The following WDR72 variants were observed in gnomAD, a reference collection of about 807,000 sequenced individuals.
WDR72 encodes WD repeat-containing protein 72.
WDR72 carries 120 observed loss-of-function variants against 124.2 expected under a neutral mutation model. The ratio of observed to expected loss-of-function variants is 0.97; its 90% CI spans 0.83 to 1.12. The LOEUF (loss-of-function observed/expected upper bound fraction) is 1.12, where lower values mean the gene tolerates loss of function less well. Among genes scored for constraint, WDR72 ranks in the 50% most tolerant of loss-of-function variants. The probability of loss-of-function intolerance (pLI) is 0.00; values close to 1 mark genes in which losing one functional copy is unlikely to be tolerated. For missense variants in WDR72, 1,387 were observed against 1,278.8 expected, an observed-to-expected ratio of 1.08 and a Z score of -1.29; for synonymous variants, 452 against 441.7, an observed-to-expected ratio of 1.02 and a Z score of -0.29.
At chr15:53,551,110 G>A (rs189691111) in intron 18 of WDR72, among the ~76,000 whole-genome samples, 6 of 152,148 alleles carry the variant, frequency 3.9e-5, no homozygotes, top group Non-Finnish European at 8.8e-5. Flanking sequence ...AAAGATTACA[G>A]GTTAAATGGG....
intron 18 of WDR72, among the ~76,000 whole-genome samples, chr15:53,562,191 C>T (rs2140295116): frequency 6.6e-6 from 1 of 151,872 alleles, no homozygotes; most frequent in African/African-American, 2.4e-5. Flanking sequence ...AGTAGTAGAA[C>T]ATCCAGAACT....
intron 19 of WDR72, among the ~76,000 whole-genome samples, chr15:53,521,667 T>G (rs1163332835): frequency 6.6e-6 from 1 of 152,070 alleles, no homozygotes; most frequent in Non-Finnish European, 1.5e-5. Context: ...TATTAAGGGA[T>G]GATGGAAATT....
chr15:53,731,791 A>G (rs1488375204), intron 2 of WDR72, among the ~76,000 whole-genome samples: 1 of 152,130 alleles, frequency 6.6e-6, no homozygotes, highest in Non-Finnish European at 1.5e-5. Context: ...ATTTGAATTT[A>G]CAAATGAGTA....
intron 13 of WDR72, among the ~76,000 whole-genome samples, chr15:53,681,479 A>AT (rs1472812761): frequency 6.6e-6 from 1 of 152,116 alleles, no homozygotes; most frequent in African/African-American, 2.4e-5. Context: ...CAGATACCAG[A>AT]TACATAACAA....
At chr15:53,683,574 T>A (rs1314633351) in intron 13 of WDR72, among the ~76,000 whole-genome samples, 2 of 152,166 alleles carry the variant, frequency 1.3e-5, no homozygotes, top group African/African-American at 4.8e-5. Context: ...TGTCTTTGGC[T>A]ACTATAAATT....
chr15:53,752,426 G>C (rs1298532509), intron 1 of WDR72, among the ~76,000 whole-genome samples: 1 of 152,152 alleles, frequency 6.6e-6, no homozygotes, highest in Non-Finnish European at 1.5e-5. Context: ...GAAATGTGCA[G>C]ACAGACACAC....
chr15:53,567,884 AAAAC>A (rs1481218761), intron 18 of WDR72, among the ~76,000 whole-genome samples: 1 of 151,662 alleles, frequency 6.6e-6, no homozygotes, highest in Non-Finnish European at 1.5e-5. Context: ...CAACAGATAA[AAAAC>A]AAATAATCAT....
intron 2 of WDR72, among the ~76,000 whole-genome samples, chr15:53,728,761 G>A (rs689870): frequency 0.062 from 9,397 of 152,164 alleles, 993 homozygotes; most frequent in African/African-American, 0.21. Flanking sequence ...TTGCTGCCAC[G>A]GGATTTGGAG....
chr15:53,517,703 G>A lies in WDR72; in HGVS notation c.3305C>T (p.Ser1102Phe). 6.2e-7 allele frequency: 1 copy of A among 1,612,820 alleles called. No individual in the cohort carries two copies. The highest frequency in any genetic ancestry group is 2.2e-5 in the East Asian group (1 of 44,776). The change falls in exon 20 of 20, where the codon TCT (serine) becomes TTT (phenylalanine). Residue 1102 changes from serine (S) to phenylalanine (F), a missense_variant. Transcript: ENST00000360509. ...CTCCTACTGATGAGATTCCATTTAAGACACCTTGCAGGGGCAGACCTTTGC... is the reference window on the plus strand; with the variant it reads ...CTCCTACTGATGAGATTCCATTTAAAACACCTTGCAGGGGCAGACCTTTGC... ...WIAKVCPCKV[S>F] is the part of the protein sequence containing the mutation.
At chr15:53,731,407 T>TCAG (rs1399333939) in intron 2 of WDR72, among the ~76,000 whole-genome samples, 2 of 152,006 alleles carry the variant, frequency 1.3e-5, no homozygotes, top group African/African-American at 4.8e-5. Context: ...TTTCTCTGTA[T>TCAG]CAGCACTCTG....
intron 13 of WDR72, among the ~76,000 whole-genome samples, chr15:53,674,610 C>A (rs2016101597): frequency 6.6e-6 from 1 of 152,124 alleles, no homozygotes; most frequent in Non-Finnish European, 1.5e-5. Flanking sequence ...GATAAAGGTA[C>A]TTACCTTCAT....
chr15:53,524,718 G>A (rs563852523), intron 18 of WDR72, among the ~76,000 whole-genome samples: 5 of 152,102 alleles, frequency 3.3e-5, no homozygotes, highest in Admixed American at 2.6e-4. Flanking sequence ...TGCCAGCATA[G>A]TTAGAATTTA....
At chr15:53,684,173 G>C (rs1268949635) in intron 13 of WDR72, 1 of 152,134 alleles carries the variant, frequency 6.6e-6, no homozygotes, top group Admixed American at 6.6e-5. Context: ...TGCAAATGTT[G>C]AGATTCTACT....
At chr15:53,683,970 C>T (rs12903062) in intron 13 of WDR72, among the ~76,000 whole-genome samples, 5,917 of 152,014 alleles carry the variant, frequency 0.039, 156 homozygotes, top group Non-Finnish European at 0.05. Flanking sequence ...GTCAACGAAC[C>T]CTTTTTTTCC....
intron 13 of WDR72, among the ~76,000 whole-genome samples, chr15:53,681,260 A>G (rs2016373786): frequency 6.6e-6 from 1 of 152,170 alleles, no homozygotes; most frequent in Non-Finnish European, 1.5e-5. Context: ...GGAAGTTGCT[A>G]GGGAATTGAA....
At chr15:53,675,914 A>G (rs1259730629) in intron 13 of WDR72, among the ~76,000 whole-genome samples, 1 of 152,148 alleles carries the variant, frequency 6.6e-6, no homozygotes, top group Non-Finnish European at 1.5e-5. Flanking sequence ...GAGAGTACCA[A>G]AACATTTTAA....
intron 1 of WDR72, among the ~76,000 whole-genome samples, chr15:53,742,952 A>C (rs17550480): frequency 0.043 from 6,590 of 152,274 alleles, 232 homozygotes; most frequent in Admixed American, 0.087. Context: ...ACATACAGAC[A>C]TAAAACTTCT....
intron 13 of WDR72, among the ~76,000 whole-genome samples, chr15:53,698,637 T>C (rs2017077776): frequency 6.6e-6 from 1 of 152,218 alleles, no homozygotes; most frequent in Non-Finnish European, 1.5e-5. Flanking sequence ...CTTTAGGGCC[T>C]ATTTTATCTA....
At chr15:53,603,334 A>G (rs1180514833) in intron 17 of WDR72, among the ~76,000 whole-genome samples, 1 of 152,158 alleles carries the variant, frequency 6.6e-6, no homozygotes, top group Non-Finnish European at 1.5e-5. Context: ...GAAGGAACAT[A>G]CTTCGAAATA....
Sources: gnomAD v4.1 joint callset for allele counts (sites outside exome capture counted in the v4.1 genomes callset) on GRCh38, gnomAD v4.1.1 for gene constraint, MANE v1.5 for transcripts, NCBI Gene and HGNC (gene_info 2026-07-23, HGNC 2026-07-21) for gene names.